Variants in USH2A observed in about 807,000 individuals in gnomAD.
The protein encoded by USH2A is Usher syndrome 2A (autosomal recessive, mild).
A neutral mutation model predicts 538.9 loss-of-function variants in USH2A; 443 were observed. The ratio of observed to expected loss-of-function variants is 0.82; its 90% CI spans 0.76 to 0.89. The LOEUF (loss-of-function observed/expected upper bound fraction) is 0.89, where lower values mean the gene tolerates loss of function less well. Among genes scored for constraint, USH2A ranks in the 40% least tolerant of loss-of-function variants. The pLI is 0.00. For synonymous variants in USH2A, 2,413 were observed against 2,273.5 expected (o/e 1.06, Z -1.75); for missense variants, 6,633 against 6,324.8 (o/e 1.05, Z -1.65).
At chr1:215,955,069 A>G (rs1667028506) in intron 37 of USH2A, among the ~76,000 whole-genome samples, 1 of 152,174 alleles carries the variant, frequency 6.6e-6, no homozygotes, top group African/African-American at 2.4e-5. Flanking sequence ...GCTTCTTATT[A>G]TGAAAATCTT....
chr1:215,995,417 C>A (rs2102478814), intron 34 of USH2A, among the ~76,000 whole-genome samples: 1 of 152,302 alleles, frequency 6.6e-6, no homozygotes, highest in South Asian at 2.1e-4. Context: ...TGCCCACATT[C>A]TTTTTGGATG....
chr1:215,743,259 G>A lies in USH2A; in HGVS notation c.11466C>T (p.Ser3822=), dbSNP rs144655434. 98 of 1,611,452 alleles carry A rather than the reference G, an allele frequency of 6.1e-5. No individual in the cohort carries two copies. The Middle Eastern group carries it at 8.2e-4, about 14-fold the overall frequency. ...GAAGGGTGGATTGATGATGACCAAC[G>A]GAGAAGGCCAGAGGTGTTACACTTC... ...NDGSVTPLAF[S]VGHHQSTLLE... is the part of the protein sequence containing the mutation. The change falls in exon 59 of 72, where the codon TCC becomes TCT. Residue 3822 remains serine (S), a synonymous_variant. Coordinates refer to ENST00000307340, the MANE Select transcript of USH2A (RefSeq NM_206933.4).
intron 27 of USH2A, 144 bp downstream of exon 27, chr1:216,077,945 A>C (rs1477113998): frequency 1.0e-6 from 1 of 988,438 alleles, no homozygotes. Context: ...TTAGTTTTTA[A>C]GGTTTAAATT....
At chr1:216,398,300 A>G (rs2039250644) in intron 3 of USH2A, among the ~76,000 whole-genome samples, 1 of 152,160 alleles carries the variant, frequency 6.6e-6, no homozygotes, top group South Asian at 2.1e-4. Flanking sequence ...AAGAAAAAAA[A>G]TTAGGAATCT....
chr1:216,106,323 AT>A (rs2032731559), intron 21 of USH2A, among the ~76,000 whole-genome samples: 1 of 143,056 alleles, frequency 7.0e-6, no homozygotes, highest in African/African-American at 2.9e-5. Context: ...TATACTATAT[AT>A]ATATATATGT....
At chr1:216,414,900 A>C (rs1370600850) in intron 3 of USH2A, among the ~76,000 whole-genome samples, 3 of 152,060 alleles carry the variant, frequency 2.0e-5, no homozygotes, top group Non-Finnish European at 2.9e-5. Flanking sequence ...CTAATCCCCA[A>C]ATTAAATGGA....
rs780000613 is a variant in USH2A at position 215,912,453 on chromosome 1, GTATA to G, written c.7301-11552_7301-11549del. ...TTTTGAGGGTAGGTAGTAGGTATGT[GTATA>G]TATATATATATATATATACGTATAT... On this transcript the variant is annotated intron_variant, in intron 38 of 71. Coordinates refer to ENST00000307340, the MANE Select transcript of USH2A (RefSeq NM_206933.4). 4.7e-4 allele frequency among the ~76,000 whole-genome samples: 20 copies of G among 42,954 alleles called. No homozygotes were observed. In the East Asian group the frequency reaches 7.9e-3, roughly 17 times the overall value. The allele number at this position is 42,954 out of a possible 152,430, so 28.2% of individuals were successfully genotyped here. A position where few individuals can be genotyped will look rare whatever the true frequency, so the allele number is the denominator to read the frequency against.
chr1:216,142,854 A>T (rs1211895304), intron 21 of USH2A, among the ~76,000 whole-genome samples: 1 of 152,106 alleles, frequency 6.6e-6, no homozygotes, highest in African/African-American at 2.4e-5. Flanking sequence ...AATTTTACCT[A>T]ACTTAATCTA....
chr1:215,886,224 T>C (rs928151922), intron 41 of USH2A, among the ~76,000 whole-genome samples: 2 of 152,248 alleles, frequency 1.3e-5, no homozygotes, highest in African/African-American at 4.8e-5. Context: ...TTAATGACTA[T>C]CCTTCTGTTA....
chr1:216,304,439 C>T (rs564694791), intron 9 of USH2A, among the ~76,000 whole-genome samples: 22 of 152,052 alleles, frequency 1.4e-4, no homozygotes, highest in African/African-American at 5.3e-4. Flanking sequence ...TGTGGTTTGA[C>T]AGCAAATCTA....
intron 21 of USH2A, among the ~76,000 whole-genome samples, chr1:216,169,491 C>T (rs77279352): frequency 0.021 from 3,149 of 152,084 alleles, 103 homozygotes; most frequent in African/African-American, 0.071. Context: ...ATCAATGCCA[C>T]CTGAAGGCAT....
chr1:216,409,774 T>C (rs1172782313), intron 3 of USH2A, among the ~76,000 whole-genome samples: 1 of 151,982 alleles, frequency 6.6e-6, no homozygotes, highest in Non-Finnish European at 1.5e-5. Context: ...ACTAAAAGCC[T>C]GAAAGACAAT....
intron 17 of USH2A, 142 bp downstream of exon 17, chr1:216,199,485 A>T (rs1419118335): frequency 7.9e-7 from 1 of 1,263,840 alleles, no homozygotes; most frequent in East Asian, 2.5e-5. Flanking sequence ...ATACTATCTT[A>T]TATCTTTAGA....
chr1:215,747,726 T>C (rs1224380295), intron 58 of USH2A, among the ~76,000 whole-genome samples: 1 of 152,346 alleles, frequency 6.6e-6, no homozygotes, highest in Non-Finnish European at 1.5e-5. Flanking sequence ...GATATGCTGA[T>C]AGAAATTTCC....
chr1:216,327,668 C>T lies in USH2A; in HGVS notation c.785-14G>A. ...ACTGCTCTAAACCTGCAAATACACACATGTGCATAATATAAGAAGTCTCTG... is the reference window on the plus strand; with the variant it reads ...ACTGCTCTAAACCTGCAAATACACATATGTGCATAATATAAGAAGTCTCTG... On this transcript the variant is annotated splice_polypyrimidine_tract_variant and intron_variant, in intron 4 of 71. Transcript: ENST00000307340. 1.2e-6 allele frequency: 2 copies of T among 1,612,818 alleles called. No individual in the cohort carries two copies. Among genetic ancestry groups the T allele is most frequent in the Non-Finnish European group, 1.7e-6 (2 of 1,179,248 alleles).
intron 61 of USH2A, among the ~76,000 whole-genome samples, chr1:215,714,123 A>G (rs540158117): frequency 6.6e-6 from 1 of 152,362 alleles, no homozygotes; most frequent in East Asian, 1.9e-4. Flanking sequence ...ATGCTTTCTC[A>G]GTTTGATTTA....
chr1:215,635,531 T>TTTTTTTTATTTATTTA (rs371509167), intron 69 of USH2A, among the ~76,000 whole-genome samples: 4 of 142,068 alleles, frequency 2.8e-5, no homozygotes, highest in South Asian at 2.3e-4. Flanking sequence ...GTAGGATTAT[T>TTTTTTTTATTTATTTA]TTTATTTATT....
At chr1:216,283,008 T>C (rs1237048636) in intron 11 of USH2A, among the ~76,000 whole-genome samples, 2 of 152,358 alleles carry the variant, frequency 1.3e-5, no homozygotes, top group East Asian at 1.9e-4. Flanking sequence ...TTCAGATTGT[T>C]CAGTGCAAAT....
At chr1:216,346,764 G>A (rs894053229) in intron 4 of USH2A, among the ~76,000 whole-genome samples, 11 of 151,448 alleles carry the variant, frequency 7.3e-5, no homozygotes, top group South Asian at 2.1e-4. Flanking sequence ...GAAATTTCAC[G>A]CATTCTTGGC....
Sources: gnomAD v4.1 joint callset for allele counts (sites outside exome capture counted in the v4.1 genomes callset) on GRCh38, gnomAD v4.1.1 for gene constraint, MANE v1.5 for transcripts, NCBI Gene and HGNC (gene_info 2026-07-23, HGNC 2026-07-21) for gene names.